TIAM2: variants seen among roughly 807,000 people sequenced by gnomAD.
TIAM2 encodes rho guanine nucleotide exchange factor TIAM2.
Under a neutral mutation model 152.9 loss-of-function variants are expected in TIAM2, and 80 were observed. That is an observed-to-expected ratio of 0.52 (90% confidence interval 0.44 to 0.63). The LOEUF (loss-of-function observed/expected upper bound fraction) is 0.63, where lower values mean the gene tolerates loss of function less well. Ranked by LOEUF, TIAM2 falls within the 30% of genes least tolerant of loss-of-function variation. The pLI is 0.00. For missense variants in TIAM2, 1,965 were observed against 2,120.1 expected, an observed-to-expected ratio of 0.93 and a Z score of 1.44; for synonymous variants, 804 against 838.0, an observed-to-expected ratio of 0.96 and a Z score of 0.70.
intron 1 of TIAM2, among the ~76,000 whole-genome samples, chr6:155,028,210 G>T (rs867207700): frequency 8.8e-6 from 1 of 114,144 alleles, no homozygotes; most frequent in East Asian, 2.3e-4. Flanking sequence ...TATAATATAT[G>T]TACTGTGTTA....
chr6:155,038,647 G>A (rs1234684090), intron 1 of TIAM2, among the ~76,000 whole-genome samples: 1 of 152,154 alleles, frequency 6.6e-6, no homozygotes, highest in Non-Finnish European at 1.5e-5. Flanking sequence ...TGAAGAGTAG[G>A]CCTGGCTGGG....
chr6:155,149,928 AAAAAG>A (rs1779913807), intron 7 of TIAM2, among the ~76,000 whole-genome samples: 1 of 152,108 alleles, frequency 6.6e-6, no homozygotes, highest in Non-Finnish European at 1.5e-5. Context: ...ATAAAAAAAA[AAAAAG>A]AATTCAGCAT....
intron 15 of TIAM2, among the ~76,000 whole-genome samples, chr6:155,237,264 C>T (rs2115296971): frequency 6.6e-6 from 1 of 152,370 alleles, no homozygotes; most frequent in Non-Finnish European, 1.5e-5. Context: ...CCATGTCTCA[C>T]ATCCAGGTCA....
At chr6:155,184,830 T>TG (rs1780996534) in intron 14 of TIAM2, among the ~76,000 whole-genome samples, 1 of 152,210 alleles carries the variant, frequency 6.6e-6, no homozygotes, top group South Asian at 2.1e-4. Context: ...AATGGACTAT[T>TG]GGCATATAAA....
chr6:155,076,281 G>T (rs1363548919), intron 1 of TIAM2, among the ~76,000 whole-genome samples: 1 of 152,066 alleles, frequency 6.6e-6, no homozygotes, highest in Non-Finnish European at 1.5e-5. Flanking sequence ...TTACTCTGTG[G>T]CGTTCCAAAA....
At position 155,129,574 on chromosome 6, in the gene TIAM2, C is replaced by T; in HGVS notation, c.351C>T (p.His117=). 3 of 1,614,170 alleles carry T rather than the reference C, an allele frequency of 1.9e-6. No homozygotes were observed. Among genetic ancestry groups the T allele is most frequent in the Non-Finnish European group, 2.5e-6 (3 of 1,180,032 alleles). ...CTTTCTCAACTGAGAATGGCTTCCA[C>T]TCTGTTGGCCACGAGCTGGCAGATA... is the stretch of plus-strand genomic sequence containing the variant. ...SAAFSTENGF[H]SVGHELADNH... Residue 117 remains histidine, a synonymous_variant, in exon 4 of 27, where the codon CAC becomes CAT. Coordinates refer to ENST00000682666, the MANE Select transcript of TIAM2 (RefSeq NM_012454.4). The surrounding 1 kb of genome is among the most constrained non-coding windows in gnomAD (Gnocchi z 4.8).
chr6:155,004,679 C>T (rs1018617934), intron 1 of TIAM2, among the ~76,000 whole-genome samples: 11 of 152,224 alleles, frequency 7.2e-5, no homozygotes, highest in African/African-American at 2.4e-4. Flanking sequence ...TAGGCATGAG[C>T]CACTGCGCCC....
chr6:155,176,855 G>T lies in TIAM2; in HGVS notation c.2401G>T (p.Gly801Cys), dbSNP rs752920754. The change falls in exon 10 of 27, where the codon GGT (glycine) becomes TGT (cysteine). Residue 801 changes from glycine (G) to cysteine (C), a missense_variant. Transcript: ENST00000682666. ...LLHIYGSTVD[G>C]VPRDNAWEIQ... ...GCATATATATGGTTCAACAGTAGAC[G>T]GTGTTCCCCGAGACAATGCATGGGA... is the stretch of plus-strand genomic sequence containing the variant. 6.2e-7 allele frequency: 1 copy of T among 1,613,922 alleles called. No homozygotes were observed. The highest frequency in any genetic ancestry group is 8.5e-7 in the Non-Finnish European group (1 of 1,179,914).
chr6:155,131,432 C>T (rs903130497), intron 4 of TIAM2, among the ~76,000 whole-genome samples: 7 of 151,466 alleles, frequency 4.6e-5, no homozygotes, highest in African/African-American at 1.7e-4. Flanking sequence ...CTCATTCTTA[C>T]AGTCCAAATA....
At chr6:155,117,385 G>T (rs1779040249) in intron 2 of TIAM2, among the ~76,000 whole-genome samples, 1 of 152,110 alleles carries the variant, frequency 6.6e-6, no homozygotes. Context: ...AGTAATATTT[G>T]TGGGATTGCC....
chr6:155,127,541 C>G lies in TIAM2; in HGVS notation c.-66C>G, dbSNP rs1779324502. ...GCTTGTTAAATGTGCTGTGTTGCTCCCAAGACCATGTAAAGCCTACTGACC... is the reference window on the plus strand; with the variant it reads ...GCTTGTTAAATGTGCTGTGTTGCTCGCAAGACCATGTAAAGCCTACTGACC... On this transcript the variant is annotated 5_prime_UTR_variant, in exon 3 of 27. Transcript: ENST00000682666. The G allele has an allele frequency of 2.2e-6, 1 of 455,804 alleles. No homozygotes were observed. Among genetic ancestry groups the G allele is most frequent in the Admixed American group, 2.4e-5 (1 of 42,524 alleles). 28.2% of individuals were successfully genotyped at this position (455,804 alleles called of 1,614,324 possible).
chr6:155,124,915 G>C (rs1779256796), intron 2 of TIAM2, among the ~76,000 whole-genome samples: 1 of 151,206 alleles, frequency 6.6e-6, no homozygotes, highest in African/African-American at 2.4e-5. Context: ...TCAGGCAGGA[G>C]ATTTGTCTTT....
chr6:155,119,899 G>A (rs540439256), intron 2 of TIAM2, among the ~76,000 whole-genome samples: 8 of 152,202 alleles, frequency 5.3e-5, no homozygotes, highest in South Asian at 2.1e-4. Context: ...TCTATTTTCC[G>A]TTCTGCTAGT....
chr6:155,138,609 C>T (rs150954401), intron 5 of TIAM2, among the ~76,000 whole-genome samples: 35 of 152,228 alleles, frequency 2.3e-4, no homozygotes, highest in African/African-American at 8.2e-4. Context: ...CAACAGGCCC[C>T]AGTTTGTGAT....
At chr6:155,216,056 G>A (rs1266271388) in intron 15 of TIAM2, among the ~76,000 whole-genome samples, 6 of 152,062 alleles carry the variant, frequency 3.9e-5, no homozygotes, top group African/African-American at 1.2e-4. Context: ...CAATACTCCC[G>A]CCTCAGCCTC....
intron 1 of TIAM2, among the ~76,000 whole-genome samples, chr6:155,043,591 G>A (rs751388840): frequency 3.6e-4 from 50 of 137,984 alleles, no homozygotes; most frequent in Non-Finnish European, 6.7e-4. Flanking sequence ...CAGCGATTGT[G>A]CCACTGCACT....
intron 1 of TIAM2, among the ~76,000 whole-genome samples, chr6:155,048,262 T>A (rs1421299233): frequency 6.6e-6 from 1 of 152,154 alleles, no homozygotes; most frequent in Non-Finnish European, 1.5e-5. Context: ...CTATTTTTTT[T>A]AATTTTAAAA....
At chr6:155,206,709 G>A (rs1399667188) in intron 14 of TIAM2, among the ~76,000 whole-genome samples, 3 of 152,222 alleles carry the variant, frequency 2.0e-5, no homozygotes, top group Non-Finnish European at 2.9e-5. Context: ...GGACATTGCA[G>A]CTCTGCTGGC....
At chr6:155,022,214 A>G (rs1402487072) in intron 1 of TIAM2, 1 of 152,218 alleles carries the variant, frequency 6.6e-6, no homozygotes, top group Non-Finnish European at 1.5e-5. Context: ...AAGGGTACAG[A>G]GACGCCGAGC....
Sources: gnomAD v4.1 joint callset for allele counts (sites outside exome capture counted in the v4.1 genomes callset) on GRCh38, gnomAD v4.1.1 for gene constraint, Gnocchi (gnomAD v3.1) non-coding constraint, MANE v1.5 for transcripts, NCBI Gene and HGNC (gene_info 2026-07-23, HGNC 2026-07-21) for gene names.